Variants in RSRC1 observed in about 807,000 individuals in gnomAD.
RSRC1 encodes the protein serine/Arginine-related protein 53.
A neutral mutation model predicts 49.1 loss-of-function variants in RSRC1; 39 were observed. The ratio of observed to expected loss-of-function variants is 0.79; its 90% CI spans 0.61 to 1.04. The LOEUF is 1.04. Ranked by LOEUF, RSRC1 falls within the 50% of genes least tolerant of loss-of-function variation. The probability of loss-of-function intolerance (pLI) is 0.00; values close to 1 mark genes in which losing one functional copy is unlikely to be tolerated. For missense variants in RSRC1, 388 were observed against 402.4 expected (o/e 0.96, Z 0.31); for synonymous variants, 143 against 130.8 (o/e 1.09, Z -0.63).
At chr3:158,322,033 A>G (rs1296216726) in intron 5 of RSRC1, among the ~76,000 whole-genome samples, 1 of 151,952 alleles carries the variant, frequency 6.6e-6, no homozygotes, top group Non-Finnish European at 1.5e-5. Flanking sequence ...TCACATATTT[A>G]CTAATCACAG....
intron 7 of RSRC1, among the ~76,000 whole-genome samples, chr3:158,477,363 A>G (rs76432692): frequency 0.029 from 4,485 of 152,214 alleles, 116 homozygotes; most frequent in Non-Finnish European, 0.046. Context: ...AAATCAGTTG[A>G]TGCAGCAAGC....
intron 3 of RSRC1, among the ~76,000 whole-genome samples, chr3:158,156,772 A>G (rs910178910): frequency 4.6e-5 from 7 of 152,230 alleles, no homozygotes; most frequent in African/African-American, 1.4e-4. Flanking sequence ...TCACTGTCTT[A>G]TATGGATGCA....
At chr3:158,464,018 C>A (rs1374060346) in intron 7 of RSRC1, among the ~76,000 whole-genome samples, 12 of 151,954 alleles carry the variant, frequency 7.9e-5, no homozygotes. Flanking sequence ...TTACAGTGTC[C>A]CTTTTTTTCT....
At chr3:158,381,095 C>G (rs1732672690) in intron 6 of RSRC1, among the ~76,000 whole-genome samples, 1 of 152,030 alleles carries the variant, frequency 6.6e-6, no homozygotes, top group Non-Finnish European at 1.5e-5. Flanking sequence ...AGATACTAGT[C>G]TATGTTATTT....
intron 4 of RSRC1, among the ~76,000 whole-genome samples, chr3:158,225,504 A>G (rs1481165624): frequency 1.3e-5 from 2 of 151,904 alleles, no homozygotes; most frequent in Non-Finnish European, 2.9e-5. Flanking sequence ...CCTCCTGTTC[A>G]GTTACTGCTG....
chr3:158,419,908 T>C (rs187454553), intron 6 of RSRC1, among the ~76,000 whole-genome samples: 1 of 151,792 alleles, frequency 6.6e-6, no homozygotes, highest in Non-Finnish European at 1.5e-5. Flanking sequence ...TTTCCTACAT[T>C]AACAGTCCTT....
intron 3 of RSRC1, among the ~76,000 whole-genome samples, chr3:158,155,105 T>G (rs1050788187): frequency 3.9e-5 from 6 of 152,126 alleles, no homozygotes; most frequent in Admixed American, 6.5e-5. Context: ...GGTCTTGGAG[T>G]CAACTTCTTC....
intron 7 of RSRC1, chr3:158,469,403 G>T (rs1432779494): frequency 2.2e-6 from 1 of 446,040 alleles, no homozygotes; most frequent in Middle Eastern, 3.3e-4. Flanking sequence ...TTCCCATGAT[G>T]CATATATGAT....
At chr3:158,384,121 A>G (rs946485732) in intron 6 of RSRC1, among the ~76,000 whole-genome samples, 2 of 152,170 alleles carry the variant, frequency 1.3e-5, no homozygotes, top group Admixed American at 6.5e-5. Flanking sequence ...GAAATATGTC[A>G]TACTCTCAAA....
In RSRC1 at chr3:158,545,549, A is replaced by G. The variant is rs1371824926; in HGVS notation, c.*1274A>G. On this transcript the variant is annotated 3_prime_UTR_variant, in exon 10 of 10. Transcript: ENST00000611884. ...AGGACATTTTAATGCCATCTTCTTT[A>G]TATTTCTGGGACATTAAAATTCAAA... 1 of 152,158 alleles carries G rather than the reference A, an allele frequency of 6.6e-6. No individual in the cohort carries two copies. The highest frequency in any genetic ancestry group is 1.5e-5 in the Non-Finnish European group (1 of 68,012). 9.4% of individuals were successfully genotyped at this position (152,158 alleles called of 1,614,324 possible).
At chr3:158,382,612 G>C (rs1732760483) in intron 6 of RSRC1, among the ~76,000 whole-genome samples, 1 of 152,100 alleles carries the variant, frequency 6.6e-6, no homozygotes, top group South Asian at 2.1e-4. Flanking sequence ...AATACTGTTA[G>C]GTGTGGCTGG....
intron 6 of RSRC1, among the ~76,000 whole-genome samples, chr3:158,363,331 T>C (rs977834740): frequency 5.3e-5 from 8 of 150,730 alleles, no homozygotes; most frequent in Non-Finnish European, 8.8e-5. Context: ...TGGCACAAGC[T>C]CGGCTCACCA....
intron 6 of RSRC1, among the ~76,000 whole-genome samples, chr3:158,424,760 T>G (rs1338470236): frequency 1.3e-5 from 2 of 152,162 alleles, no homozygotes; most frequent in Non-Finnish European, 2.9e-5. Context: ...TTTCAGCTCC[T>G]GTTATTGGTC....
At chr3:158,274,270 G>C (rs1400565626) in intron 4 of RSRC1, among the ~76,000 whole-genome samples, 3 of 151,808 alleles carry the variant, frequency 2.0e-5, no homozygotes, top group Non-Finnish European at 4.4e-5. Flanking sequence ...CTGTAAAACT[G>C]ATTATTCAAC....
intron 4 of RSRC1, among the ~76,000 whole-genome samples, chr3:158,206,703 C>T (rs1199926353): frequency 6.6e-6 from 1 of 152,086 alleles, no homozygotes; most frequent in African/African-American, 2.4e-5. Context: ...CACCTGAGGT[C>T]AGGAGTTTGA....
In RSRC1 at chr3:158,543,453, A is replaced by C; in HGVS notation, c.878A>C (p.Lys293Thr). The C allele has an allele frequency of 6.2e-7, 1 of 1,610,868 alleles. No individual in the cohort carries two copies. ...CCTACCAGCATCCCTACTGCTATCA[A>C]GTACCAAGATGACAATTCCCTGGCC... ...IDPTSIPTAI[K>T]YQDDNSLAHP... Residue 293 changes from lysine to threonine, a missense_variant, in exon 9 of 10, where the codon AAG (lysine) becomes ACG (threonine). By Grantham distance (78) the Lys-to-Thr change is moderately conservative. Transcript: ENST00000611884.
intron 3 of RSRC1, among the ~76,000 whole-genome samples, chr3:158,126,495 A>G (rs1410152587): frequency 6.6e-6 from 1 of 151,924 alleles, no homozygotes; most frequent in African/African-American, 2.4e-5. Context: ...CTCCACTTCT[A>G]TTTTATGTTA....
chr3:158,449,617 T>TTA (rs977770488), intron 6 of RSRC1, among the ~76,000 whole-genome samples: 7 of 147,728 alleles, frequency 4.7e-5, no homozygotes, highest in East Asian at 3.9e-4. Context: ...CAGAGGATCT[T>TTA]TATATATATA....
chr3:158,432,201 C>CAG (rs1421192841), intron 6 of RSRC1, among the ~76,000 whole-genome samples: 29 of 152,026 alleles, frequency 1.9e-4, no homozygotes, highest in African/African-American at 7.0e-4. Context: ...CCTCCAAAGG[C>CAG]AGATTTATGA....
Sources: allele counts gnomAD v4.1 joint callset (sites outside exome capture counted in the v4.1 genomes callset), GRCh38; gene constraint gnomAD v4.1.1; transcripts MANE v1.5; gene names NCBI Gene and HGNC (gene_info 2026-07-23, HGNC 2026-07-21).